The following FER variants were observed in gnomAD, a reference collection of about 807,000 sequenced individuals.
The protein encoded by FER is tyrosine-protein kinase Fer.
FER carries 63 observed loss-of-function variants against 111.0 expected under a neutral mutation model. The ratio of observed to expected loss-of-function variants is 0.57; its 90% CI spans 0.46 to 0.70. The LOEUF (loss-of-function observed/expected upper bound fraction) is 0.70. Ranked by LOEUF, FER falls within the 30% of genes least tolerant of loss-of-function variation. FER has a pLI of 0.00. For missense variants in FER, 914 were observed against 954.0 expected (o/e 0.96, Z 0.55); for synonymous variants, 327 against 313.9 (o/e 1.04, Z -0.44).
chr5:109,170,835 T>G (rs542841489), intron 17 of FER, among the ~76,000 whole-genome samples: 24 of 152,276 alleles, frequency 1.6e-4, no homozygotes, highest in Admixed American at 5.2e-4. Flanking sequence ...CATGGAAAGC[T>G]CTTTGCCAGG....
At chr5:109,002,348 A>C (rs1305114518) in intron 13 of FER, among the ~76,000 whole-genome samples, 1 of 151,632 alleles carries the variant, frequency 6.6e-6, no homozygotes, top group African/African-American at 2.4e-5. Flanking sequence ...TCTTTGACAA[A>C]CCTGAGAAAA....
chr5:108,859,596 T>A (rs1278180823), intron 5 of FER, among the ~76,000 whole-genome samples: 1 of 152,224 alleles, frequency 6.6e-6, no homozygotes, highest in Non-Finnish European at 1.5e-5. Context: ...TGCTGCCATA[T>A]CCCAGCTACC....
At chr5:109,067,592 A>G (rs746429385) in intron 16 of FER, among the ~76,000 whole-genome samples, 5 of 151,800 alleles carry the variant, frequency 3.3e-5, no homozygotes, top group Non-Finnish European at 4.4e-5. Context: ...TGTAGATTTA[A>G]TCTATTCTTT....
chr5:108,987,792 T>A (rs1054865236), intron 13 of FER, among the ~76,000 whole-genome samples: 4 of 152,044 alleles, frequency 2.6e-5, no homozygotes, highest in Non-Finnish European at 5.9e-5. Context: ...ATTTTTTTTC[T>A]CTTGTCTGAT....
In FER at chr5:109,191,446, T is replaced by G. The variant is rs1759371416; in HGVS notation, c.*3871T>G. 1 of 152,290 alleles carries G rather than the reference T, an allele frequency of 6.6e-6. No individual in the cohort carries two copies. Among genetic ancestry groups the G allele is most frequent in the East Asian group, 1.9e-4 (1 of 5,182 alleles). 9.4% of individuals were successfully genotyped at this position (152,290 alleles called of 1,614,324 possible). A position where few individuals can be genotyped will look rare whatever the true frequency, so the allele number is the denominator to read the frequency against. On this transcript the variant is annotated 3_prime_UTR_variant, in exon 20 of 20. Transcript: ENST00000281092. ...TTTAGATGTTTCTTATCAACAAAATTGGCTGCCCTGGTTAGTGCTGAGTCA... is the reference window on the plus strand; with the variant it reads ...TTTAGATGTTTCTTATCAACAAAATGGGCTGCCCTGGTTAGTGCTGAGTCA...
intron 11 of FER, 59 bp downstream of exon 11, chr5:108,946,281 T>C: frequency 1.8e-6 from 2 of 1,082,324 alleles, no homozygotes; most frequent in Non-Finnish European, 2.8e-6. Context: ...TTCTTTCTGA[T>C]GCACTAATGA....
intron 6 of FER, 152 bp downstream of exon 6, chr5:108,868,102 T>C (rs1764252023): frequency 5.7e-6 from 4 of 706,716 alleles, no homozygotes; most frequent in Non-Finnish European, 9.0e-6. Flanking sequence ...TCACTTTTCA[T>C]GTCCCTTCAG....
At chr5:109,065,316 TTC>T (rs1474351322) in intron 16 of FER, among the ~76,000 whole-genome samples, 1 of 152,184 alleles carries the variant, frequency 6.6e-6, no homozygotes, top group Non-Finnish European at 1.5e-5. Flanking sequence ...AAAGTGAATA[TTC>T]TGTTTTATTT....
In FER at chr5:108,845,048, A is replaced by G. The variant is rs1170701542; in HGVS notation, c.481+9241A>G. 5.0e-4 allele frequency among the ~76,000 whole-genome samples: 30 copies of G among 60,284 alleles called. 1 individual carries two copies. The South Asian group carries it at 6.6e-3, about 13-fold the overall frequency. 39.5% of individuals were successfully genotyped at this position (60,284 alleles called of 152,430 possible). On this transcript the variant is annotated intron_variant, in intron 5 of 19. Coordinates refer to ENST00000281092, the MANE Select transcript of FER (RefSeq NM_005246.4). ...TATATATATATATATATACATATAT[A>G]TATATATATATATATATATACACAC...
intron 10 of FER, among the ~76,000 whole-genome samples, chr5:108,929,971 G>A (rs1004666820): frequency 6.6e-6 from 1 of 152,008 alleles, no homozygotes; most frequent in African/African-American, 2.4e-5. Flanking sequence ...TTAGTTCCAA[G>A]GTAAGTTATT....
At chr5:109,002,607 G>C (rs1408221123) in intron 13 of FER, among the ~76,000 whole-genome samples, 2 of 152,154 alleles carry the variant, frequency 1.3e-5, no homozygotes, top group African/African-American at 4.8e-5. Flanking sequence ...GGCAACAAAA[G>C]CCAAAATTGA....
chr5:108,843,260 G>T (rs916390260), intron 5 of FER, among the ~76,000 whole-genome samples: 2 of 151,998 alleles, frequency 1.3e-5, no homozygotes, highest in African/African-American at 4.8e-5. Context: ...CTTTTTTATG[G>T]CTGAGTAGTA....
In FER at chr5:108,969,994, TA is replaced by T. The variant is rs1184722289; in HGVS notation, c.1656+10648del. Among the ~76,000 whole-genome samples the T allele has an allele frequency of 1.1e-4, 17 of 147,954 alleles. 3 individuals are homozygous for T. Among genetic ancestry groups the T allele is most frequent in the African/African-American group, 3.7e-4 (14 of 37,420 alleles). On this transcript the variant is annotated intron_variant, in intron 13 of 19. Coordinates refer to ENST00000281092, the MANE Select transcript of FER (RefSeq NM_005246.4). Reference sequence around the variant, plus strand: ...ATATGAACATTTTCTAAAATTATATTACATGCTAATGTTTTGTAGAACACTA... The same window carrying T: ...ATATGAACATTTTCTAAAATTATATTCATGCTAATGTTTTGTAGAACACTA...
At chr5:109,184,893 A>G (rs1361842185) in intron 18 of FER, among the ~76,000 whole-genome samples, 1 of 152,176 alleles carries the variant, frequency 6.6e-6, no homozygotes, top group Non-Finnish European at 1.5e-5. Context: ...TTAAAGTAAC[A>G]TGACAGTTTT....
At chr5:108,817,966 G>A (rs1758451656) in intron 3 of FER, 1 of 152,144 alleles carries the variant, frequency 6.6e-6, no homozygotes. Flanking sequence ...AGCCTGAGAT[G>A]CTATTTAATG....
intron 5 of FER, among the ~76,000 whole-genome samples, chr5:108,844,708 T>C (rs1761703549): frequency 6.6e-6 from 1 of 151,966 alleles, no homozygotes; most frequent in Admixed American, 6.6e-5. Flanking sequence ...CTTCTGTCAC[T>C]GTATAGTTTG....
intron 10 of FER, among the ~76,000 whole-genome samples, 185 bp downstream of exon 10, chr5:108,898,033 C>A (rs1443273177): frequency 6.6e-6 from 1 of 152,284 alleles, no homozygotes; most frequent in South Asian, 2.1e-4. Context: ...AGAGCACTTT[C>A]AGGAACCACC....
At chr5:109,017,633 A>G (rs1444559579) in intron 13 of FER, among the ~76,000 whole-genome samples, 1 of 151,924 alleles carries the variant, frequency 6.6e-6, no homozygotes, top group East Asian at 1.9e-4. Flanking sequence ...TCAAAATAAA[A>G]TTCATTTTGC....
intron 9 of FER, among the ~76,000 whole-genome samples, chr5:108,897,228 G>C (rs930299598): frequency 6.6e-6 from 1 of 152,138 alleles, no homozygotes; most frequent in African/African-American, 2.4e-5. Context: ...TTTGTGTCCA[G>C]ACTGTCACCT....
Sources: allele counts gnomAD v4.1 joint callset (sites outside exome capture counted in the v4.1 genomes callset), GRCh38; gene constraint gnomAD v4.1.1; transcripts MANE v1.5; gene names NCBI Gene and HGNC (gene_info 2026-07-23, HGNC 2026-07-21).